The following FAR1 variants were observed in gnomAD, a reference collection of about 807,000 sequenced individuals.
FAR1 encodes fatty acyl-CoA reductase 1.
In FAR1, 22 loss-of-function variants were observed where a neutral mutation model predicts 61.1. The ratio of observed to expected loss-of-function variants is 0.36; its 90% CI spans 0.26 to 0.51. The LOEUF (loss-of-function observed/expected upper bound fraction) is 0.51. FAR1 is among the 20% of genes least tolerant of loss of function. The pLI, the probability that FAR1 is intolerant of heterozygous loss-of-function variation, is 0.95. For missense variants in FAR1, 359 were observed against 626.9 expected, an observed-to-expected ratio of 0.57 and a Z score of 4.56; for synonymous variants, 206 against 209.7, an observed-to-expected ratio of 0.98 and a Z score of 0.15.
At chr11:13,710,925 CTCTG>C in intron 5 of FAR1, 55 bp downstream of exon 5, 2 of 1,485,172 alleles carry the variant, frequency 1.3e-6, no homozygotes, top group Non-Finnish European at 1.8e-6. Flanking sequence ...TAAGTTGTAA[CTCTG>C]TATAAAAAGA....
intron 2 of FAR1, among the ~76,000 whole-genome samples, chr11:13,695,844 T>G (rs563364778): frequency 6.6e-6 from 1 of 152,350 alleles, no homozygotes; most frequent in Admixed American, 6.5e-5. Flanking sequence ...AGCATTTGTT[T>G]GACACCATGC....
intron 9 of FAR1, chr11:13,720,826 G>A (rs1444497777): frequency 6.6e-6 from 1 of 151,476 alleles, no homozygotes; most frequent in East Asian, 1.9e-4. Flanking sequence ...ACAGAAGTGG[G>A]GATTTTTTTG....
chr11:13,683,646 C>T (rs1221785063), intron 1 of FAR1, among the ~76,000 whole-genome samples: 1 of 152,040 alleles, frequency 6.6e-6, no homozygotes, highest in African/African-American at 2.4e-5. Flanking sequence ...TCCCAAAGTG[C>T]TGGGATCACA....
At chr11:13,689,761 GTTCCA>G (rs2134176280) in intron 1 of FAR1, among the ~76,000 whole-genome samples, 1 of 151,926 alleles carries the variant, frequency 6.6e-6, no homozygotes, top group Admixed American at 6.6e-5. Context: ...TAAGATGAGA[GTTCCA>G]GTTATTGTGC....
chr11:13,708,458 C>CAG (rs1281891565), intron 4 of FAR1, among the ~76,000 whole-genome samples: 9 of 147,108 alleles, frequency 6.1e-5, no homozygotes, highest in African/African-American at 1.0e-4. Flanking sequence ...CACACACACA[C>CAG]ACACACACAC....
rs904551139 is a variant in FAR1, at chr11:13,728,963, G to T, written c.*189G>T. On this transcript the variant is annotated 3_prime_UTR_variant, in exon 12 of 12. Transcript: ENST00000354817. ...TCATAAAACTTAGTGAACACACTGT[G>T]TTATGCCAGCTCAAATCTACAGTAG... 13 of 494,380 alleles carry T rather than the reference G, an allele frequency of 2.6e-5. No homozygotes were observed. In the Admixed American group the frequency reaches 4.5e-4, roughly 17 times the overall value. 30.6% of individuals were successfully genotyped at this position (494,380 alleles called of 1,614,324 possible).
chr11:13,684,172 G>A (rs1848161030), intron 1 of FAR1, among the ~76,000 whole-genome samples: 1 of 152,088 alleles, frequency 6.6e-6, no homozygotes, highest in South Asian at 2.1e-4. Flanking sequence ...ATTCCATTCA[G>A]GAAATCCATC....
intron 1 of FAR1, among the ~76,000 whole-genome samples, chr11:13,676,955 A>G (rs965238869): frequency 6.6e-6 from 1 of 152,210 alleles, no homozygotes; most frequent in Non-Finnish European, 1.5e-5. Context: ...CTCTCCTTCA[A>G]TAAATTTAAA....
intron 8 of FAR1, among the ~76,000 whole-genome samples, chr11:13,713,399 T>TA (rs1848522159): frequency 6.6e-6 from 1 of 152,064 alleles, no homozygotes; most frequent in Non-Finnish European, 1.5e-5. Flanking sequence ...TATCACTTCT[T>TA]ACAAGAGGTG....
chr11:13,708,447 G>GCGCGCGCACACACACACACACACA (rs139902063), intron 4 of FAR1, among the ~76,000 whole-genome samples: 3 of 136,696 alleles, frequency 2.2e-5, no homozygotes, highest in African/African-American at 8.3e-5. Flanking sequence ...GCGCGCGCGC[G>GCGCGCGCACACACACACACACACA]CACACACACA....
At chr11:13,717,815 A>G (rs1848571395) in intron 9 of FAR1, among the ~76,000 whole-genome samples, 1 of 152,248 alleles carries the variant, frequency 6.6e-6, no homozygotes, top group African/African-American at 2.4e-5. Context: ...CTTTATTTAC[A>G]AAAACAGGTG....
chr11:13,673,615 C>T (rs1848034541), intron 1 of FAR1, among the ~76,000 whole-genome samples: 1 of 152,206 alleles, frequency 6.6e-6, no homozygotes, highest in African/African-American at 2.4e-5. Context: ...GACTCTTGCT[C>T]TGAGTGTTTG....
intron 1 of FAR1, among the ~76,000 whole-genome samples, chr11:13,693,997 C>T (rs1415823153): frequency 6.6e-6 from 1 of 152,148 alleles, no homozygotes; most frequent in Non-Finnish European, 1.5e-5. Context: ...TAATATTTTT[C>T]CATCTGTATG....
At chr11:13,714,735 C>G in intron 9 of FAR1, 55 bp downstream of exon 9, 2 of 1,457,474 alleles carry the variant, frequency 1.4e-6, no homozygotes, top group Non-Finnish European at 1.9e-6. Flanking sequence ...CCCATGCTTA[C>G]ACTAAAATGC....
chr11:13,709,069 T>C lies in FAR1; in HGVS notation c.545+990T>C, dbSNP rs531177410. Among the ~76,000 whole-genome samples the C allele has an allele frequency of 7.2e-5, 11 of 152,330 alleles. No homozygotes were observed. In the South Asian group the frequency reaches 2.1e-3, roughly 29 times the overall value. The stretch of plus-strand genomic sequence containing the variant: ...TCCAGTATCCACCATATTTTCATGT[T>C]TGTTAATCCTTATATAATATCTTTG... On this transcript the variant is annotated intron_variant, in intron 4 of 11. Transcript: ENST00000354817.
intron 1 of FAR1, among the ~76,000 whole-genome samples, chr11:13,680,964 A>G (rs1789989966): frequency 6.6e-6 from 1 of 152,240 alleles, no homozygotes; most frequent in African/African-American, 2.4e-5. Context: ...CTTAATGGAT[A>G]TACTTAGCTC....
intron 1 of FAR1, among the ~76,000 whole-genome samples, chr11:13,683,600 C>T (rs755769956): frequency 1.3e-5 from 2 of 151,942 alleles, no homozygotes; most frequent in East Asian, 1.9e-4. Context: ...AGGCTGGTCT[C>T]GAACTCCTGG....
intron 4 of FAR1, among the ~76,000 whole-genome samples, chr11:13,709,569 G>T (rs1212554644): frequency 2.6e-5 from 4 of 151,848 alleles, no homozygotes; most frequent in Admixed American, 1.3e-4. Context: ...CTGTAAACTC[G>T]TTCTAGTAAT....
At chr11:13,692,536 C>T (rs1249549541) in intron 1 of FAR1, among the ~76,000 whole-genome samples, 2 of 151,734 alleles carry the variant, frequency 1.3e-5, no homozygotes, top group Non-Finnish European at 2.9e-5. Context: ...TACGTCTTCA[C>T]CAACACTTAT....
Sources: gnomAD v4.1 joint callset for allele counts (sites outside exome capture counted in the v4.1 genomes callset) on GRCh38, gnomAD v4.1.1 for gene constraint, MANE v1.5 for transcripts, NCBI Gene and HGNC (gene_info 2026-07-23, HGNC 2026-07-21) for gene names.